The following HS2ST1 variants were observed in gnomAD, a reference collection of about 807,000 sequenced individuals.
HS2ST1 encodes heparan sulfate 2-O-sulfotransferase 1.
Under a neutral mutation model 42.9 loss-of-function variants are expected in HS2ST1, and 18 were observed. The observed-to-expected ratio is 0.42, with a 90% CI of 0.29 to 0.62. HS2ST1 has a LOEUF of 0.62. Ranked by LOEUF, HS2ST1 falls within the 20% of genes least tolerant of loss-of-function variation. The pLI is 0.21. For synonymous variants in HS2ST1, 146 were observed against 152.9 expected (o/e 0.95, Z 0.33); for missense variants, 334 against 433.8 (o/e 0.77, Z 2.04).
At chr1:86,973,957 T>C (rs1191404304) in intron 1 of HS2ST1, among the ~76,000 whole-genome samples, 1 of 152,196 alleles carries the variant, frequency 6.6e-6, no homozygotes. Flanking sequence ...GTAAGAAATA[T>C]ATTTTTGGTC....
At chr1:86,952,675 A>G (rs946925699) in intron 1 of HS2ST1, among the ~76,000 whole-genome samples, 5 of 152,244 alleles carry the variant, frequency 3.3e-5, no homozygotes, top group Non-Finnish European at 7.3e-5. Context: ...TGTGTTGTCA[A>G]TGAGCAGTAA....
In HS2ST1 at chr1:86,940,258, C is replaced by T. The variant is rs577589593; in HGVS notation, c.124+25098C>T. ...GCATGGTGGTGTGTGCCTATAGACC[C>T]AGTTACTCAGGAGACTGAGGTGAGA... On this transcript the variant is annotated intron_variant, in intron 1 of 6. Transcript: ENST00000370550. Among the ~76,000 whole-genome samples, 7 of 152,184 alleles carry T rather than the reference C, an allele frequency of 4.6e-5. No individual in the cohort carries two copies. In the East Asian group the frequency reaches 1.2e-3, roughly 25 times the overall value.
At chr1:87,016,113 C>G (rs765818070) in intron 1 of HS2ST1, among the ~76,000 whole-genome samples, 20 of 152,118 alleles carry the variant, frequency 1.3e-4, no homozygotes, top group Admixed American at 6.6e-5. Context: ...CTGTGCCCGG[C>G]CTTAGCTCTT....
chr1:87,034,129 A>T (rs1030555955), intron 1 of HS2ST1, among the ~76,000 whole-genome samples: 1 of 152,196 alleles, frequency 6.6e-6, no homozygotes, highest in East Asian at 1.9e-4. Context: ...CTACCCTTTT[A>T]TTTGTTTCAA....
At chr1:86,929,074 GT>G (rs1429358157) in intron 1 of HS2ST1, among the ~76,000 whole-genome samples, 1 of 151,830 alleles carries the variant, frequency 6.6e-6, no homozygotes, top group Non-Finnish European at 1.5e-5. Flanking sequence ...AGTGTTTTAT[GT>G]GTATAGTTTC....
intron 2 of HS2ST1, among the ~76,000 whole-genome samples, chr1:87,075,190 A>G (rs1468222853): frequency 3.7e-4 from 36 of 97,190 alleles, no homozygotes; most frequent in African/African-American, 1.5e-3. Flanking sequence ...TTTTTTGGAG[A>G]CAGGGTTTTG....
At chr1:87,001,269 C>T (rs528089232) in intron 1 of HS2ST1, among the ~76,000 whole-genome samples, 38 of 152,238 alleles carry the variant, frequency 2.5e-4, no homozygotes, top group African/African-American at 8.7e-4. Context: ...GAACCAAGTT[C>T]CTATCTCCCC....
At chr1:86,981,868 T>C (rs972073173) in intron 1 of HS2ST1, among the ~76,000 whole-genome samples, 8 of 152,212 alleles carry the variant, frequency 5.3e-5, no homozygotes, top group African/African-American at 1.9e-4. Flanking sequence ...AGTGCCCCAG[T>C]GGGGACTCTC....
chr1:86,963,827 G>A (rs1322138204), intron 1 of HS2ST1, among the ~76,000 whole-genome samples: 13 of 147,160 alleles, frequency 8.8e-5, no homozygotes, highest in Non-Finnish European at 1.1e-4. Flanking sequence ...GCGGCTGGCC[G>A]GGCGGGGGCT....
intron 1 of HS2ST1, among the ~76,000 whole-genome samples, chr1:86,943,235 T>C (rs1436455240): frequency 1.3e-5 from 2 of 152,108 alleles, no homozygotes; most frequent in Non-Finnish European, 2.9e-5. Context: ...AAATAAATCA[T>C]TGGGTATTTA....
intron 1 of HS2ST1, among the ~76,000 whole-genome samples, chr1:86,960,659 G>A (rs1196891268): frequency 6.6e-6 from 1 of 152,156 alleles, no homozygotes; most frequent in African/African-American, 2.4e-5. Flanking sequence ...CAGATGGCAA[G>A]CAAGCATTTC....
In HS2ST1 at chr1:87,079,022, A is replaced by T. The variant is rs991366640; in HGVS notation, c.364-5172A>T. On this transcript the variant is annotated intron_variant, in intron 2 of 6. Transcript: ENST00000370550. The stretch of plus-strand genomic sequence containing the variant: ...GCCGAATTAATACTTTAAAAATAAA[A>T]CTTTTAAAAGTACTGTTTTTCAAAG... Among the ~76,000 whole-genome samples the T allele has an allele frequency of 2.6e-5, 4 of 152,320 alleles. 1 individual carries two copies. Among genetic ancestry groups the T allele is most frequent in the Admixed American group, 2.6e-4 (4 of 15,302 alleles).
chr1:86,982,970 A>G (rs144984162), intron 1 of HS2ST1, among the ~76,000 whole-genome samples: 2 of 152,270 alleles, frequency 1.3e-5, no homozygotes, highest in East Asian at 1.9e-4. Flanking sequence ...CTTTGCTTCA[A>G]TATCCAATAA....
intron 1 of HS2ST1, among the ~76,000 whole-genome samples, chr1:87,036,440 A>C (rs988853860): frequency 2.0e-5 from 3 of 152,186 alleles, no homozygotes; most frequent in Non-Finnish European, 4.4e-5. Context: ...AATACTATTC[A>C]TATTATAGTT....
At chr1:86,964,696 CTT>C (rs1204014430) in intron 1 of HS2ST1, among the ~76,000 whole-genome samples, 1 of 152,184 alleles carries the variant, frequency 6.6e-6, no homozygotes, top group South Asian at 2.1e-4. Context: ...AGCTAAATAT[CTT>C]TAAGAATATT....
intron 1 of HS2ST1, among the ~76,000 whole-genome samples, chr1:86,927,254 A>G (rs1327917516): frequency 1.3e-5 from 2 of 152,212 alleles, no homozygotes; most frequent in African/African-American, 2.4e-5. Context: ...GAAAATGCAT[A>G]TAGTTTGCCC....
chr1:86,921,127 C>A (rs1337987050), intron 1 of HS2ST1, among the ~76,000 whole-genome samples: 1 of 151,980 alleles, frequency 6.6e-6, no homozygotes, highest in East Asian at 1.9e-4. Flanking sequence ...TCCAGGTGAA[C>A]GTGAAAAATA....
rs983657952 is a variant in HS2ST1, at chr1:86,963,807, C to G, written c.124+48647C>G. 2.1e-3 allele frequency among the ~76,000 whole-genome samples: 293 copies of G among 140,312 alleles called. 1 individual carries two copies. The highest frequency in any genetic ancestry group is 8.1e-3 in the African/African-American group (272 of 33,734). 92.1% of individuals were successfully genotyped at this position (140,312 alleles called of 152,430 possible). On this transcript the variant is annotated intron_variant, in intron 1 of 6. Coordinates refer to ENST00000370550, the MANE Select transcript of HS2ST1 (RefSeq NM_012262.4). ...GTGGGGGCTGGCCCCCACCTCCCCC[C>G]CTGGACGGGGCGGCTGGCCGGGCGG...
chr1:86,981,202 G>A (rs1290713342), intron 1 of HS2ST1, among the ~76,000 whole-genome samples: 2 of 152,066 alleles, frequency 1.3e-5, no homozygotes, highest in East Asian at 3.9e-4. Flanking sequence ...CACCTCCCTT[G>A]CTCCCTCAAC....
Sources: gnomAD v4.1 joint callset for allele counts (sites outside exome capture counted in the v4.1 genomes callset) on GRCh38, gnomAD v4.1.1 for gene constraint, MANE v1.5 for transcripts, NCBI Gene and HGNC (gene_info 2026-07-23, HGNC 2026-07-21) for gene names.